The following ZRANB3 variants were observed in gnomAD, a reference collection of about 807,000 sequenced individuals.
ZRANB3 encodes DNA annealing helicase and endonuclease ZRANB3.
In ZRANB3, 125 loss-of-function variants were observed where a neutral mutation model predicts 133.8. The ratio of observed to expected loss-of-function variants is 0.93; its 90% CI spans 0.81 to 1.08. ZRANB3 has a LOEUF of 1.08. ZRANB3 is among the 50% of genes least tolerant of loss of function. The pLI, the probability that ZRANB3 is intolerant of heterozygous loss-of-function variation, is 0.00. For synonymous variants in ZRANB3, 387 were observed against 432.7 expected, an observed-to-expected ratio of 0.89 and a Z score of 1.31; for missense variants, 1,229 against 1,275.5, an observed-to-expected ratio of 0.96 and a Z score of 0.56.
At chr2:135,508,565 G>T (rs1349054969) in intron 1 of ZRANB3, among the ~76,000 whole-genome samples, 1 of 152,044 alleles carries the variant, frequency 6.6e-6, no homozygotes, top group Non-Finnish European at 1.5e-5. Flanking sequence ...TTATGAAAAT[G>T]TACAGAAAAA....
chr2:135,501,387 C>A (rs1692934351), intron 2 of ZRANB3, among the ~76,000 whole-genome samples: 1 of 152,096 alleles, frequency 6.6e-6, no homozygotes, highest in Non-Finnish European at 1.5e-5. Context: ...GAAAGTATAG[C>A]ACTAACAATA....
chr2:135,461,052 C>A (rs1290965848), intron 2 of ZRANB3, among the ~76,000 whole-genome samples: 7 of 152,180 alleles, frequency 4.6e-5, no homozygotes, highest in Admixed American at 3.9e-4. Flanking sequence ...TAAAACATTT[C>A]TATCACTGCA....
At chr2:135,383,626 C>A (rs971287789) in intron 3 of ZRANB3, among the ~76,000 whole-genome samples, 2 of 152,122 alleles carry the variant, frequency 1.3e-5, no homozygotes, top group African/African-American at 4.8e-5. Context: ...TGTAAAGGAA[C>A]AGAAATTATA....
rs569244819 is a variant in ZRANB3 at position 135,511,592 on chromosome 2, C to A, written c.-7-7096G>T. ...ACATAGAACTGATTTGCAACAGACC[C>A]CTCAGGAGCAAGTACGAACATCTGC... On this transcript the variant is annotated intron_variant, in intron 1 of 20. Transcript: ENST00000264159. The A allele has an allele frequency of 4.9e-4, 421 of 856,994 alleles. 4 individuals carry two copies. The highest frequency in any genetic ancestry group is 2.0e-5 in the Non-Finnish European group (10 of 491,786). 53.1% of individuals were successfully genotyped at this position (856,994 alleles called of 1,614,324 possible). A position where few individuals can be genotyped will look rare whatever the true frequency, so the allele number is the denominator to read the frequency against.
At chr2:135,487,723 A>C (rs1692185949) in intron 2 of ZRANB3, among the ~76,000 whole-genome samples, 2 of 152,208 alleles carry the variant, frequency 1.3e-5, no homozygotes, top group Admixed American at 1.3e-4. Context: ...CATAAAACTG[A>C]AAAGAATTAG....
chr2:135,505,711 A>G (rs892838759), intron 1 of ZRANB3, among the ~76,000 whole-genome samples: 1 of 152,228 alleles, frequency 6.6e-6, no homozygotes, highest in Non-Finnish European at 1.5e-5. Flanking sequence ...TTTATTTATT[A>G]ATAACAAATA....
intron 2 of ZRANB3, among the ~76,000 whole-genome samples, chr2:135,436,259 A>T (rs1689527288): frequency 2.6e-5 from 4 of 151,994 alleles, no homozygotes; most frequent in Admixed American, 2.6e-4. Context: ...CCATCGCTTG[A>T]TTTTTGTCAG....
chr2:135,301,077 C>T (rs1045486508), intron 8 of ZRANB3, among the ~76,000 whole-genome samples: 1 of 152,128 alleles, frequency 6.6e-6, no homozygotes, highest in African/African-American at 2.4e-5. Flanking sequence ...GTGGCACGAT[C>T]GTGGCTCACT....
At position 135,522,314 on chromosome 2, in the gene ZRANB3, T is replaced by G. The variant is rs149676421; in HGVS notation, c.-8+8813A>C. On this transcript the variant is annotated intron_variant, in intron 1 of 20. Coordinates refer to ENST00000264159, the MANE Select transcript of ZRANB3 (RefSeq NM_032143.4). ...AACAAAGAGCTTGTAAACCAATAAATTGGGTGGAGGCCAACAGCTTGAGGC... is the reference window on the plus strand; with the variant it reads ...AACAAAGAGCTTGTAAACCAATAAAGTGGGTGGAGGCCAACAGCTTGAGGC... Among the ~76,000 whole-genome samples, 407 of 152,262 alleles carry G rather than the reference T, an allele frequency of 2.7e-3. 5 individuals are homozygous for G. Among genetic ancestry groups the G allele is most frequent in the African/African-American group, 9.5e-3 (393 of 41,554 alleles).
At chr2:135,307,006 A>G (rs537442244) in intron 8 of ZRANB3, among the ~76,000 whole-genome samples, 5 of 152,332 alleles carry the variant, frequency 3.3e-5, no homozygotes, top group African/African-American at 1.2e-4. Flanking sequence ...CATTACAGGC[A>G]TGAGCCACTG....
At chr2:135,393,495 A>T (rs900280374) in intron 2 of ZRANB3, among the ~76,000 whole-genome samples, 3 of 152,142 alleles carry the variant, frequency 2.0e-5, no homozygotes, top group Non-Finnish European at 2.9e-5. Flanking sequence ...AAGACTTGAA[A>T]ATAGTCCCAG....
At chr2:135,201,189 G>C (rs1693610773) in intron 20 of ZRANB3, among the ~76,000 whole-genome samples, 2 of 152,108 alleles carry the variant, frequency 1.3e-5, no homozygotes. Context: ...CATTTTTCAT[G>C]AGAATCTAAA....
At chr2:135,289,227 G>T (rs1417062180) in intron 8 of ZRANB3, among the ~76,000 whole-genome samples, 1 of 151,952 alleles carries the variant, frequency 6.6e-6, no homozygotes, top group Non-Finnish European at 1.5e-5. Context: ...TCATGTATTT[G>T]CATGGTTTTG....
intron 3 of ZRANB3, among the ~76,000 whole-genome samples, chr2:135,366,442 A>T: frequency 6.6e-6 from 1 of 152,226 alleles, no homozygotes. Context: ...AAATACAACA[A>T]TTGACTAAAA....
chr2:135,410,088 T>C (rs776937833), intron 2 of ZRANB3, among the ~76,000 whole-genome samples: 8 of 152,202 alleles, frequency 5.3e-5, no homozygotes, highest in Non-Finnish European at 1.2e-4. Flanking sequence ...TTCAATGCTA[T>C]TCCTATCAAA....
intron 1 of ZRANB3, among the ~76,000 whole-genome samples, chr2:135,512,679 T>C (rs1693518576): frequency 6.6e-6 from 1 of 151,856 alleles, no homozygotes; most frequent in South Asian, 2.1e-4. Flanking sequence ...TAGCTAGTAT[T>C]GCTTTACATT....
intron 2 of ZRANB3, among the ~76,000 whole-genome samples, chr2:135,499,424 A>G (rs1235743148): frequency 2.0e-5 from 3 of 152,324 alleles, no homozygotes; most frequent in South Asian, 2.1e-4. Context: ...ACCTGAGAAA[A>G]TTTACTTGCC....
intron 8 of ZRANB3, among the ~76,000 whole-genome samples, chr2:135,293,031 T>C (rs924349758): frequency 6.6e-6 from 1 of 152,144 alleles, no homozygotes; most frequent in African/African-American, 2.4e-5. Flanking sequence ...GGTAGTGTGA[T>C]GCCTCCAGCT....
intron 2 of ZRANB3, among the ~76,000 whole-genome samples, chr2:135,451,717 T>C (rs1318013821): frequency 6.6e-6 from 1 of 152,000 alleles, no homozygotes; most frequent in Non-Finnish European, 1.5e-5. Context: ...ACCAATCAAC[T>C]AAAACCAGTA....
Sources: gnomAD v4.1 joint callset for allele counts (sites outside exome capture counted in the v4.1 genomes callset) on GRCh38, gnomAD v4.1.1 for gene constraint, MANE v1.5 for transcripts, NCBI Gene and HGNC (gene_info 2026-07-23, HGNC 2026-07-21) for gene names.